Variants in EIF4G3 observed in about 807,000 individuals in gnomAD.
The protein encoded by EIF4G3 is eIF-4-gamma 3.
EIF4G3 carries 34 observed loss-of-function variants against 186.4 expected under a neutral mutation model. The ratio of observed to expected loss-of-function variants is 0.18; its 90% CI spans 0.14 to 0.24. The LOEUF (loss-of-function observed/expected upper bound fraction) is 0.24. Among genes scored for constraint, EIF4G3 ranks in the 10% least tolerant of loss-of-function variants. The pLI is 1.00. For missense variants in EIF4G3, 1,536 were observed against 1,948.5 expected (o/e 0.79, Z 3.99); for synonymous variants, 673 against 679.5 (o/e 0.99, Z 0.15).
At chr1:20,892,507 AT>A in intron 18 of EIF4G3, 2 of 813,674 alleles carry the variant, frequency 2.5e-6, no homozygotes, top group East Asian at 5.3e-5. Flanking sequence ...TCTTTTGTAC[AT>A]GTCATTTGTT....
chr1:21,047,452 C>T (rs2093956421), intron 4 of EIF4G3, among the ~76,000 whole-genome samples: 1 of 152,176 alleles, frequency 6.6e-6, no homozygotes, highest in Non-Finnish European at 1.5e-5. Context: ...TCTCATTCCT[C>T]ACCTTCCCGC....
In EIF4G3 at chr1:21,168,684, C is replaced by G. The variant is rs1367983589; in HGVS notation, c.-272+7491G>C. ...CAAGTGATCCTCCTGCCCCAGCCTC[C>G]CAAAGTACTGGGATTACAGGCATGA... On this transcript the variant is annotated intron_variant, in intron 2 of 36. Transcript: ENST00000602326. 2.6e-5 allele frequency among the ~76,000 whole-genome samples: 4 copies of G among 152,102 alleles called. No individual in the cohort carries two copies. The East Asian group carries it at 7.8e-4, about 30-fold the overall frequency.
At chr1:20,919,556 T>C (rs371409387) in intron 14 of EIF4G3, among the ~76,000 whole-genome samples, 1 of 152,338 alleles carries the variant, frequency 6.6e-6, no homozygotes, top group Non-Finnish European at 1.5e-5. Context: ...CTAATCAATA[T>C]ATGCTAACTT....
chr1:21,047,372 A>G (rs868613458), intron 4 of EIF4G3, among the ~76,000 whole-genome samples: 3 of 152,178 alleles, frequency 2.0e-5, no homozygotes, highest in Non-Finnish European at 2.9e-5. Flanking sequence ...CAGACTTTTC[A>G]TTTTACTTTT....
intron 9 of EIF4G3, 76 bp downstream of exon 9, chr1:20,980,972 C>T: frequency 8.1e-7 from 1 of 1,241,432 alleles, no homozygotes; most frequent in Non-Finnish European, 1.1e-6. Flanking sequence ...AATTCATCCA[C>T]CCAGCTCCCT....
intron 7 of EIF4G3, among the ~76,000 whole-genome samples, chr1:20,997,291 C>A (rs2082489692): frequency 6.6e-6 from 1 of 151,740 alleles, no homozygotes; most frequent in Non-Finnish European, 1.5e-5. Flanking sequence ...CTACAAATAT[C>A]CACAAAATCT....
At chr1:20,827,467 A>C (rs2063929620) in intron 32 of EIF4G3, 150 bp downstream of exon 32, 1 of 387,020 alleles carries the variant, frequency 2.6e-6, no homozygotes, top group African/African-American at 2.1e-5. Context: ...AGAAGGACAA[A>C]TGCACCTCAG....
rs544216427 is a variant in EIF4G3 at position 21,156,302 on chromosome 1, T to C, written c.-272+19873A>G. On this transcript the variant is annotated intron_variant, in intron 2 of 36. Coordinates refer to ENST00000602326, the MANE Select transcript of EIF4G3 (RefSeq NM_001391906.1). ...CTCTTTCCTCTCAGCAGCTTCTTTC[T>C]CTTTTCTGTAAGCTTCCTCATCTTC... 4.6e-5 allele frequency among the ~76,000 whole-genome samples: 7 copies of C among 152,318 alleles called. No homozygotes were observed. The South Asian group carries it at 1.4e-3, about 32-fold the overall frequency.
chr1:21,053,149 A>T (rs1192906797), intron 3 of EIF4G3, among the ~76,000 whole-genome samples: 1 of 125,274 alleles, frequency 8.0e-6, no homozygotes, highest in African/African-American at 3.2e-5. Context: ...CGTCTCTGCC[A>T]GGCCGCCCAT....
rs1571639711 is a variant in EIF4G3 at position 20,851,449 on chromosome 1, T to C, written c.3581A>G (p.Asp1194Gly). ...SRGSMGREKN[D>G]KPLPSATARP... The stretch of plus-strand genomic sequence containing the variant: ...AGCTGTTGCAGATGGAAGGGGCTTG[T>C]CATTCTTCTCCCTGCCCATACTTCC... The change falls in exon 28 of 37, where the codon GAC (aspartate) becomes GGC (glycine). Residue 1194 changes from aspartate (D) to glycine (G), a missense_variant. By Grantham distance (94) the Asp-to-Gly change is moderately conservative. Around this residue, in one of 11 missense-constraint regions of EIF4G3, gnomAD observed 395 missense variants for 498.9 expected, o/e 0.79. Transcript: ENST00000602326. The C allele has an allele frequency of 6.2e-7, 1 of 1,614,166 alleles. No homozygotes were observed. The highest frequency in any genetic ancestry group is 8.5e-7 in the Non-Finnish European group (1 of 1,180,040).
intron 14 of EIF4G3, among the ~76,000 whole-genome samples, chr1:20,912,034 A>G (rs925016783): frequency 6.6e-6 from 1 of 152,156 alleles, no homozygotes; most frequent in Non-Finnish European, 1.5e-5. Flanking sequence ...TCATGCCACC[A>G]TGAGGTCAAG....
chr1:20,851,190 GTC>G lies in EIF4G3; in HGVS notation c.3772+66_3772+67del, dbSNP rs970436564. ...TAATTCTAAAATCTACTCAGGCACAGTCTCTTTTTTATTTTTCCTTCCAAATT... is the reference window on the plus strand; with the variant it reads ...TAATTCTAAAATCTACTCAGGCACAGTCTTTTTTATTTTTCCTTCCAAATT... On this transcript the variant is annotated intron_variant, in intron 28 of 36. Transcript: ENST00000602326. 1.5e-5 allele frequency: 22 copies of G among 1,440,706 alleles called. No individual in the cohort carries two copies. The African/African-American group carries it at 2.8e-4, about 19-fold the overall frequency. 89.2% of individuals were successfully genotyped at this position (1,440,706 alleles called of 1,614,324 possible).
chr1:21,065,137 G>T (rs1254477464), intron 3 of EIF4G3: 1 of 151,906 alleles, frequency 6.6e-6, no homozygotes, highest in Non-Finnish European at 1.5e-5. Context: ...TAATTCCAAG[G>T]TATTAATAAA....
intron 14 of EIF4G3, chr1:20,941,143 G>A: frequency 7.4e-7 from 1 of 1,356,238 alleles, no homozygotes. Flanking sequence ...GACCATCCTG[G>A]TTTTTTGTTT....
intron 14 of EIF4G3, among the ~76,000 whole-genome samples, chr1:20,928,297 G>A (rs368328798): frequency 2.6e-5 from 4 of 152,066 alleles, no homozygotes; most frequent in African/African-American, 9.7e-5. Context: ...CTGTATCTCC[G>A]ATACTGTCAA....
intron 12 of EIF4G3, among the ~76,000 whole-genome samples, chr1:20,952,763 T>C (rs898293194): frequency 2.0e-5 from 3 of 152,200 alleles, no homozygotes; most frequent in Admixed American, 6.5e-5. Context: ...GGCAGGAGAA[T>C]TGCTTGAACC....
chr1:21,157,253 C>T (rs2102889512), intron 2 of EIF4G3, among the ~76,000 whole-genome samples: 1 of 152,200 alleles, frequency 6.6e-6, no homozygotes, highest in East Asian at 1.9e-4. Context: ...GATGTCCTTC[C>T]CCTCAACTTC....
chr1:20,916,466 A>G (rs1435211971), intron 14 of EIF4G3, among the ~76,000 whole-genome samples: 1 of 152,040 alleles, frequency 6.6e-6, no homozygotes, highest in Non-Finnish European at 1.5e-5. Flanking sequence ...AACAAAAACA[A>G]AAACAAAAAA....
chr1:20,851,074 A>G (rs1308210168), intron 28 of EIF4G3, among the ~76,000 whole-genome samples, 184 bp downstream of exon 28: 1 of 152,240 alleles, frequency 6.6e-6, no homozygotes, highest in Admixed American at 6.5e-5. Flanking sequence ...CAAACTGTTC[A>G]GCTAAGGCAT....
Sources: gnomAD v4.1 joint callset for allele counts (sites outside exome capture counted in the v4.1 genomes callset) on GRCh38, gnomAD v4.1.1 for gene constraint, gnomAD v4.1.1 regional missense constraint, MANE v1.5 for transcripts, NCBI Gene and HGNC (gene_info 2026-07-23, HGNC 2026-07-21) for gene names.